ZFPM2: variants seen among roughly 807,000 people sequenced by gnomAD.
ZFPM2 encodes the protein zinc finger protein, FOG family member 2.
In ZFPM2, 20 loss-of-function variants were observed where a neutral mutation model predicts 98.6. The observed-to-expected ratio is 0.20, with a 90% CI of 0.14 to 0.29. The LOEUF (loss-of-function observed/expected upper bound fraction) is 0.29, where lower values mean the gene tolerates loss of function less well. Among genes scored for constraint, ZFPM2 ranks in the 10% least tolerant of loss-of-function variants. ZFPM2 has a pLI of 1.00. For missense variants in ZFPM2, 1,310 were observed against 1,388.6 expected (o/e 0.94, Z 0.90); for synonymous variants, 518 against 502.7 (o/e 1.03, Z -0.41).
chr8:105,459,761 T>C (rs191046977), intron 3 of ZFPM2, among the ~76,000 whole-genome samples: 1 of 152,256 alleles, frequency 6.6e-6, no homozygotes, highest in African/African-American at 2.4e-5. Flanking sequence ...TATGATCTCA[T>C]TTAACCACAA....
chr8:105,478,140 G>A (rs557038739), intron 3 of ZFPM2, among the ~76,000 whole-genome samples: 3 of 152,076 alleles, frequency 2.0e-5, no homozygotes, highest in Admixed American at 6.5e-5. Context: ...TCTTAAATGC[G>A]GCTGACCACG....
intron 5 of ZFPM2, among the ~76,000 whole-genome samples, chr8:105,774,401 A>T (rs1488843154): frequency 6.6e-6 from 1 of 152,236 alleles, no homozygotes; most frequent in Admixed American, 6.5e-5. Context: ...CCTTAATAAC[A>T]GGTCTTGGTC....
At chr8:105,696,492 A>G (rs183956013) in intron 5 of ZFPM2, among the ~76,000 whole-genome samples, 18 of 152,354 alleles carry the variant, frequency 1.2e-4, no homozygotes, top group African/African-American at 4.1e-4. Context: ...CTGAGCACTC[A>G]TGTATAGGCT....
chr8:105,681,469 T>C (rs1359295085), intron 5 of ZFPM2, among the ~76,000 whole-genome samples: 1 of 151,964 alleles, frequency 6.6e-6, no homozygotes, highest in Admixed American at 6.6e-5. Context: ...ATAGTTTGTC[T>C]GTAGATTATA....
intron 1 of ZFPM2, among the ~76,000 whole-genome samples, chr8:105,406,589 A>C (rs1273687172): frequency 6.6e-6 from 1 of 151,958 alleles, no homozygotes. Context: ...CATAACTCAG[A>C]TCTGCTTCAC....
At chr8:105,381,099 C>G (rs1484255506) in intron 1 of ZFPM2, among the ~76,000 whole-genome samples, 3 of 146,292 alleles carry the variant, frequency 2.1e-5, no homozygotes, top group African/African-American at 5.1e-5. Context: ...TCAACAGGCC[C>G]TGGTGTGTGA....
intron 3 of ZFPM2, among the ~76,000 whole-genome samples, chr8:105,470,225 A>T (rs1812876590): frequency 6.6e-6 from 1 of 152,110 alleles, no homozygotes. Flanking sequence ...AGAGAGATGG[A>T]TAGCACAGGG....
intron 1 of ZFPM2, chr8:105,319,898 CT>C (rs943942469): frequency 6.6e-6 from 1 of 152,224 alleles, no homozygotes; most frequent in African/African-American, 2.4e-5. Flanking sequence ...AGTCGGTCAA[CT>C]TTTCTTGGCT....
chr8:105,483,374 G>A (rs924347296), intron 3 of ZFPM2, among the ~76,000 whole-genome samples: 66 of 151,990 alleles, frequency 4.3e-4, no homozygotes, highest in African/African-American at 1.5e-3. Context: ...TGGATTGCTT[G>A]AGGTCAGGAG....
intron 5 of ZFPM2, chr8:105,678,736 A>G (rs551405868): frequency 1.7e-4 from 26 of 152,332 alleles, no homozygotes; most frequent in African/African-American, 6.0e-4. Flanking sequence ...TACCATGTCC[A>G]TGTACAAGTG....
intron 3 of ZFPM2, among the ~76,000 whole-genome samples, chr8:105,555,981 G>C (rs533108452): frequency 9.2e-5 from 14 of 152,180 alleles, no homozygotes; most frequent in South Asian, 4.1e-4. Context: ...GAACGCAAGA[G>C]TCAGGCAAAT....
intron 1 of ZFPM2, among the ~76,000 whole-genome samples, chr8:105,342,389 T>C (rs984447395): frequency 6.6e-6 from 1 of 152,010 alleles, no homozygotes; most frequent in Non-Finnish European, 1.5e-5. Flanking sequence ...CTAGGAGAAC[T>C]CTTGAAGAAT....
At chr8:105,755,301 C>T (rs1812573322) in intron 5 of ZFPM2, among the ~76,000 whole-genome samples, 1 of 152,078 alleles carries the variant, frequency 6.6e-6, no homozygotes, top group African/African-American at 2.4e-5. Flanking sequence ...TGCTGCAAGC[C>T]TTTCAGAAAT....
At chr8:105,747,407 C>CT (rs1198022420) in intron 5 of ZFPM2, among the ~76,000 whole-genome samples, 1 of 151,990 alleles carries the variant, frequency 6.6e-6, no homozygotes, top group Non-Finnish European at 1.5e-5. Flanking sequence ...TCCTTCCTCT[C>CT]TTTTTTAAAG....
intron 1 of ZFPM2, among the ~76,000 whole-genome samples, chr8:105,348,696 T>C (rs1397975174): frequency 2.0e-5 from 3 of 152,178 alleles, no homozygotes; most frequent in African/African-American, 7.2e-5. Flanking sequence ...AGGGGGCAGG[T>C]ATAGCAGTAA....
At position 105,537,951 on chromosome 8, in the gene ZFPM2, C is replaced by T. The variant is rs142461420; in HGVS notation, c.302-23412C>T. Among the ~76,000 whole-genome samples the T allele has an allele frequency of 4.0e-4, 61 of 152,052 alleles. No individual in the cohort carries two copies. In the East Asian group the frequency reaches 0.01, roughly 26 times the overall value. On this transcript the variant is annotated intron_variant, in intron 3 of 7. Coordinates refer to ENST00000407775, the MANE Select transcript of ZFPM2 (RefSeq NM_012082.4). ...TTCACCATGTTGGCCAGGATGGTCTCGATCTCCTGACCTCATGATCCGCCT... is the reference window on the plus strand; with the variant it reads ...TTCACCATGTTGGCCAGGATGGTCTTGATCTCCTGACCTCATGATCCGCCT...
intron 2 of ZFPM2, among the ~76,000 whole-genome samples, chr8:105,420,658 C>T (rs1057465868): frequency 6.6e-6 from 1 of 152,086 alleles, no homozygotes; most frequent in Admixed American, 6.6e-5. Flanking sequence ...TCCTTAGTTG[C>T]TAGAACCATT....
At chr8:105,445,078 G>A (rs746954134) in intron 3 of ZFPM2, among the ~76,000 whole-genome samples, 3 of 152,146 alleles carry the variant, frequency 2.0e-5, no homozygotes, top group Non-Finnish European at 2.9e-5. Flanking sequence ...AAGAATATAA[G>A]TGAGTTCTGA....
At chr8:105,711,770 A>T (rs1811407079) in intron 5 of ZFPM2, among the ~76,000 whole-genome samples, 1 of 151,950 alleles carries the variant, frequency 6.6e-6, no homozygotes, top group Non-Finnish European at 1.5e-5. Context: ...GACCAGATGG[A>T]GTTTTAGGTC....
Sources: allele counts gnomAD v4.1 joint callset (sites outside exome capture counted in the v4.1 genomes callset), GRCh38; gene constraint gnomAD v4.1.1; transcripts MANE v1.5; gene names NCBI Gene and HGNC (gene_info 2026-07-23, HGNC 2026-07-21).